The following SLC25A26 variants were observed in gnomAD, a reference collection of about 807,000 sequenced individuals.
The protein encoded by SLC25A26 is solute carrier family 25 member 26, also known as mitochondrial S-adenosylmethionine carrier protein.
A neutral mutation model predicts 37.8 loss-of-function variants in SLC25A26; 36 were observed. That is an observed-to-expected ratio of 0.95 (90% CI 0.73 to 1.26). The LOEUF (loss-of-function observed/expected upper bound fraction) is 1.26. Among genes scored for constraint, SLC25A26 ranks in the 50% most tolerant of loss-of-function variants. SLC25A26 has a pLI of 0.00. For synonymous variants in SLC25A26, 129 were observed against 122.5 expected (o/e 1.05, Z -0.35); for missense variants, 390 against 331.1 (o/e 1.18, Z -1.38).
At chr3:66,287,782 G>C (rs747991172) in intron 5 of SLC25A26, among the ~76,000 whole-genome samples, 2 of 152,110 alleles carry the variant, frequency 1.3e-5, no homozygotes, top group Admixed American at 1.3e-4. Context: ...TGTTTACTTT[G>C]TGCTGAAATA....
chr3:66,239,153 C>T (rs2072445480), intron 2 of SLC25A26, among the ~76,000 whole-genome samples: 1 of 152,194 alleles, frequency 6.6e-6, no homozygotes, highest in Admixed American at 6.5e-5. Flanking sequence ...TCATTTGACA[C>T]TGGTTTGGAA....
chr3:66,224,622 T>C (rs1030260302), intron 1 of SLC25A26, among the ~76,000 whole-genome samples: 1 of 152,290 alleles, frequency 6.6e-6, no homozygotes, highest in East Asian at 1.9e-4. Context: ...CTCCCAAATC[T>C]CCTATCCTCA....
chr3:66,361,931 T>TACTCCAGC (rs1484603741), intron 6 of SLC25A26, among the ~76,000 whole-genome samples: 3 of 151,938 alleles, frequency 2.0e-5, no homozygotes, highest in East Asian at 3.9e-4. Context: ...TGCACCACTG[T>TACTCCAGC]ACTCCAGCAC....
intron 5 of SLC25A26, 92 bp downstream of exon 5, chr3:66,263,471 G>A: frequency 1.3e-6 from 1 of 799,320 alleles, no homozygotes; most frequent in Non-Finnish European, 2.1e-6. Flanking sequence ...AATATATTTG[G>A]AGAAACTTGG....
At chr3:66,223,280 A>G (rs2071584787) in intron 1 of SLC25A26, among the ~76,000 whole-genome samples, 1 of 152,182 alleles carries the variant, frequency 6.6e-6, no homozygotes, top group African/African-American at 2.4e-5. Context: ...TTTGATGATC[A>G]GAGTGGGAGG....
chr3:66,264,269 A>T (rs924499602), intron 5 of SLC25A26, among the ~76,000 whole-genome samples: 7 of 151,494 alleles, frequency 4.6e-5, no homozygotes, highest in African/African-American at 1.7e-4. Flanking sequence ...AACAAGAGCG[A>T]CTCTGTCTCC....
At chr3:66,279,626 A>G (rs531979221) in intron 5 of SLC25A26, among the ~76,000 whole-genome samples, 2 of 152,272 alleles carry the variant, frequency 1.3e-5, no homozygotes, top group South Asian at 2.1e-4. Flanking sequence ...TTTGGCCTCA[A>G]ATGTGTTTCA....
At chr3:66,158,162 A>G (rs2070309775) in intron 1 of SLC25A26, among the ~76,000 whole-genome samples, 2 of 152,218 alleles carry the variant, frequency 1.3e-5, no homozygotes, top group Admixed American at 6.6e-5. Context: ...GGTGGGAAGT[A>G]TTTGAGAGTA....
intron 1 of SLC25A26, among the ~76,000 whole-genome samples, chr3:66,193,381 G>C (rs2070982513): frequency 6.6e-6 from 1 of 152,026 alleles, no homozygotes; most frequent in African/African-American, 2.4e-5. Flanking sequence ...TACTGCTTTT[G>C]TATTCTCTAC....
intron 1 of SLC25A26, among the ~76,000 whole-genome samples, chr3:66,209,044 A>ATT: frequency 9.2e-5 from 1 of 10,852 alleles, no homozygotes; most frequent in African/African-American, 2.7e-4. Context: ...AAAGGTGTAT[A>ATT]TATATATATA....
upstream of SLC25A26, among the ~76,000 whole-genome samples, chr3:66,219,842 A>G (rs1258329983): frequency 6.6e-6 from 1 of 152,200 alleles, no homozygotes; most frequent in Non-Finnish European, 1.5e-5. Context: ...CTATTAATAT[A>G]ATAGTACCGC....
chr3:66,351,891 C>G (rs1373728019), intron 6 of SLC25A26, among the ~76,000 whole-genome samples: 1 of 152,132 alleles, frequency 6.6e-6, no homozygotes, highest in African/African-American at 2.4e-5. Flanking sequence ...CCAGTGGTCT[C>G]CCTCATTTCA....
At chr3:66,290,935 G>A (rs776031037) in intron 5 of SLC25A26, among the ~76,000 whole-genome samples, 3 of 152,152 alleles carry the variant, frequency 2.0e-5, no homozygotes, top group African/African-American at 4.8e-5. Flanking sequence ...CTGTGAATCC[G>A]TCTGGTACTG....
rs2073237587 is a variant in SLC25A26 at position 66,254,833 on chromosome 3, T to C, written c.301-7218T>C. On this transcript the variant is annotated intron_variant, in intron 3 of 9. Transcript: ENST00000354883. ...GATGGAGTTTCTTGGAGAAAAATCTTAAATCAGAATTTTTTTTGTGAACTA... is the reference window on the plus strand; with the variant it reads ...GATGGAGTTTCTTGGAGAAAAATCTCAAATCAGAATTTTTTTTGTGAACTA... 3.3e-5 allele frequency among the ~76,000 whole-genome samples: 5 copies of C among 152,352 alleles called. No homozygotes were observed. The South Asian group carries it at 1.0e-3, about 32-fold the overall frequency.
chr3:66,362,881 G>A lies in SLC25A26; in HGVS notation c.520G>A (p.Asp174Asn). The A allele has an allele frequency of 1.9e-6, 3 of 1,607,324 alleles. No individual in the cohort carries two copies. Among genetic ancestry groups the A allele is most frequent in the Non-Finnish European group, 1.7e-6 (2 of 1,176,784 alleles). ...SLKALWSWRQ[D>N]HVVDSWQSAV... ...ACAGGCCCTCTGGTCCTGGAGGCAG[G>A]ATCATGTGGTGGATTCTTGGCAGTC... The change falls in exon 7 of 10, where the codon GAT (aspartate) becomes AAT (asparagine). Residue 174 changes from aspartate to asparagine, a missense_variant. Transcript: ENST00000354883.
At chr3:66,239,816 C>CTTTTTT (rs536690709) in intron 2 of SLC25A26, among the ~76,000 whole-genome samples, 6 of 110,170 alleles carry the variant, frequency 5.4e-5, no homozygotes, top group Admixed American at 2.0e-4. Context: ...TCCTTTCTTT[C>CTTTTTT]TTTTTTTTTT....
intron 1 of SLC25A26, among the ~76,000 whole-genome samples, chr3:66,226,884 A>G (rs1461861353): frequency 7.1e-6 from 1 of 139,886 alleles, no homozygotes; most frequent in East Asian, 2.1e-4. Flanking sequence ...TGGTTGTAAT[A>G]TATAGGGGAA....
chr3:66,179,633 C>T (rs1215506613), intron 1 of SLC25A26, among the ~76,000 whole-genome samples: 2 of 152,138 alleles, frequency 1.3e-5, no homozygotes, highest in Non-Finnish European at 2.9e-5. Context: ...TTCAACTATA[C>T]TTCTATATTT....
intron 1 of SLC25A26, among the ~76,000 whole-genome samples, chr3:66,199,406 T>C (rs1339055109): frequency 1.3e-5 from 2 of 152,054 alleles, no homozygotes; most frequent in East Asian, 3.9e-4. Context: ...CACTCTCATG[T>C]TGACTATGAT....
Sources: allele counts gnomAD v4.1 joint callset (sites outside exome capture counted in the v4.1 genomes callset), GRCh38; gene constraint gnomAD v4.1.1; transcripts MANE v1.5; gene names NCBI Gene and HGNC (gene_info 2026-07-23, HGNC 2026-07-21).